The following MGAT5 variants were observed in gnomAD, a reference collection of about 807,000 sequenced individuals.
The protein encoded by MGAT5 is alpha-1,6-mannosylglycoprotein 6-beta-N-acetylglucosaminyltransferase A.
MGAT5 carries 30 observed loss-of-function variants against 94.3 expected under a neutral mutation model. The observed-to-expected ratio is 0.32, with a 90% CI of 0.24 to 0.43. MGAT5 has a LOEUF of 0.43. Ranked by LOEUF, MGAT5 falls within the 20% of genes least tolerant of loss-of-function variation. The pLI, the probability that MGAT5 is intolerant of heterozygous loss-of-function variation, is 1.00. For synonymous variants in MGAT5, 310 were observed against 322.9 expected, an observed-to-expected ratio of 0.96 and a Z score of 0.43; for missense variants, 691 against 905.5, an observed-to-expected ratio of 0.76 and a Z score of 3.04.
At chr2:134,352,811 C>T (rs374488902) in intron 9 of MGAT5, among the ~76,000 whole-genome samples, 87 of 152,186 alleles carry the variant, frequency 5.7e-4, no homozygotes, top group African/African-American at 2.0e-3. Flanking sequence ...ACCCAAATGT[C>T]CATCCACACA....
chr2:134,205,562 C>T (rs1474382298), intron 1 of MGAT5, among the ~76,000 whole-genome samples: 1 of 152,228 alleles, frequency 6.6e-6, no homozygotes. Flanking sequence ...CAGAAAGCAG[C>T]GGCTCTCTTT....
At chr2:134,177,890 A>C (rs967870624) in intron 1 of MGAT5, among the ~76,000 whole-genome samples, 2 of 152,196 alleles carry the variant, frequency 1.3e-5, no homozygotes, top group African/African-American at 4.8e-5. Flanking sequence ...CTCGGTTCTC[A>C]AAAAGTACAC....
At chr2:134,177,325 A>G (rs1193514419) in intron 1 of MGAT5, among the ~76,000 whole-genome samples, 1 of 152,134 alleles carries the variant, frequency 6.6e-6, no homozygotes, top group African/African-American at 2.4e-5. Flanking sequence ...CAGGTTCTCT[A>G]GGTCATCCTG....
At chr2:134,182,901 C>G (rs1688815503) in intron 1 of MGAT5, among the ~76,000 whole-genome samples, 1 of 151,256 alleles carries the variant, frequency 6.6e-6, no homozygotes, top group African/African-American at 2.4e-5. Context: ...ATTCTCTTGC[C>G]TCAGCCTCCC....
At chr2:134,174,923 C>A (rs1688387488) in intron 1 of MGAT5, among the ~76,000 whole-genome samples, 1 of 152,244 alleles carries the variant, frequency 6.6e-6, no homozygotes, top group Admixed American at 6.5e-5. Context: ...TATCTCATCT[C>A]AGTCCTCATT....
chr2:134,299,662 T>C (rs1685899442), intron 2 of MGAT5, among the ~76,000 whole-genome samples: 2 of 152,196 alleles, frequency 1.3e-5, no homozygotes, highest in South Asian at 4.1e-4. Context: ...CAGTATCTAA[T>C]ATTTATCCCC....
At chr2:134,388,116 C>T (rs1207030752) in intron 10 of MGAT5, among the ~76,000 whole-genome samples, 1 of 152,144 alleles carries the variant, frequency 6.6e-6, no homozygotes, top group East Asian at 1.9e-4. Context: ...AAAATTGCCA[C>T]CTCTTCCCAA....
At chr2:134,292,307 G>A (rs1685417206) in intron 2 of MGAT5, among the ~76,000 whole-genome samples, 1 of 152,084 alleles carries the variant, frequency 6.6e-6, no homozygotes, top group Non-Finnish European at 1.5e-5. Context: ...TTTACTCAGT[G>A]CTGACTCTGC....
At chr2:134,168,251 G>A (rs1280400178) in intron 1 of MGAT5, among the ~76,000 whole-genome samples, 2 of 152,130 alleles carry the variant, frequency 1.3e-5, no homozygotes, top group Non-Finnish European at 2.9e-5. Flanking sequence ...GCCCCATGAC[G>A]ACCTCTGTTT....
At chr2:134,338,732 G>T (rs113976943) in intron 6 of MGAT5, among the ~76,000 whole-genome samples, 1 of 152,092 alleles carries the variant, frequency 6.6e-6, no homozygotes, top group Non-Finnish European at 1.5e-5. Context: ...TCCAACCTTC[G>T]AGAGCTTCCT....
intron 2 of MGAT5, among the ~76,000 whole-genome samples, chr2:134,275,851 G>A (rs998312415): frequency 2.0e-5 from 3 of 152,012 alleles, no homozygotes; most frequent in Non-Finnish European, 2.9e-5. Context: ...GCCTCCCAAA[G>A]TGCTGGGATT....
intron 14 of MGAT5, among the ~76,000 whole-genome samples, chr2:134,435,686 A>T (rs1395474098): frequency 6.6e-6 from 1 of 152,228 alleles, no homozygotes; most frequent in Non-Finnish European, 1.5e-5. Flanking sequence ...TTTTCTGAGC[A>T]TGTTATACAT....
Position 134,422,871 on chromosome 2 carries a change from C to T in MGAT5, c.1746C>T (p.Asn582=), listed in dbSNP as rs1684376895. 2 of 1,613,758 alleles carry T rather than the reference C, an allele frequency of 1.2e-6. No individual in the cohort carries two copies. Among genetic ancestry groups the T allele is most frequent in the African/African-American group, 1.3e-5 (1 of 74,888 alleles). The change falls in exon 13 of 16, where the codon AAC becomes AAT. Residue 582 remains asparagine (N), a synonymous_variant. Transcript: ENST00000281923. ...CACATGTGTGGACTGTTGACCTCAA[C>T]AATCAGGAGGAAGTAGAGGATGCAG... The part of the protein sequence containing the change: ...GRPHVWTVDL[N]NQEEVEDAVK...
intron 10 of MGAT5, among the ~76,000 whole-genome samples, chr2:134,391,397 A>G (rs566379272): frequency 1.2e-4 from 19 of 152,340 alleles, no homozygotes; most frequent in African/African-American, 4.1e-4. Flanking sequence ...GCTGTGATAA[A>G]GTACCATAGA....
intron 1 of MGAT5, among the ~76,000 whole-genome samples, chr2:134,194,316 A>G (rs1428183449): frequency 6.6e-6 from 1 of 152,100 alleles, no homozygotes; most frequent in Non-Finnish European, 1.5e-5. Context: ...CAACTTCTGC[A>G]TTAGGTGGTG....
intron 10 of MGAT5, among the ~76,000 whole-genome samples, chr2:134,381,370 A>G (rs538647108): frequency 4.9e-4 from 4 of 8,082 alleles, no homozygotes; most frequent in Non-Finnish European, 1.1e-3. Context: ...TAGATAGATA[A>G]GATAAGATAG....
chr2:134,259,487 T>G (rs1399982029), intron 1 of MGAT5, among the ~76,000 whole-genome samples: 1 of 152,186 alleles, frequency 6.6e-6, no homozygotes, highest in Non-Finnish European at 1.5e-5. Context: ...ACATTTCCCC[T>G]TATGGTCCAT....
At chr2:134,369,641 G>A (rs1009665678) in intron 10 of MGAT5, among the ~76,000 whole-genome samples, 1 of 152,004 alleles carries the variant, frequency 6.6e-6, no homozygotes, top group African/African-American at 2.4e-5. Context: ...ACCAAAAAGA[G>A]GTCATTGGTT....
intron 1 of MGAT5, among the ~76,000 whole-genome samples, chr2:134,260,788 G>A (rs185002476): frequency 6.6e-6 from 1 of 151,432 alleles, no homozygotes. Flanking sequence ...CTGCCCTTGA[G>A]GGAAATACAC....
Sources: gnomAD v4.1 joint callset for allele counts (sites outside exome capture counted in the v4.1 genomes callset) on GRCh38, gnomAD v4.1.1 for gene constraint, MANE v1.5 for transcripts, NCBI Gene and HGNC (gene_info 2026-07-23, HGNC 2026-07-21) for gene names.